The following TMEM232 variants were observed in gnomAD, a reference collection of about 807,000 sequenced individuals.
TMEM232 encodes the protein transmembrane protein 232.
Under a neutral mutation model 78.8 loss-of-function variants are expected in TMEM232, and 80 were observed. The ratio of observed to expected loss-of-function variants is 1.01; its 90% CI spans 0.85 to 1.22. TMEM232 has a LOEUF of 1.22. Ranked by LOEUF, TMEM232 falls within the 50% of genes most tolerant of loss-of-function variation. TMEM232 has a pLI of 0.00. For missense variants in TMEM232, 881 were observed against 742.2 expected, an observed-to-expected ratio of 1.19 and a Z score of -2.17; for synonymous variants, 297 against 254.3, an observed-to-expected ratio of 1.17 and a Z score of -1.60.
At position 110,686,003 on chromosome 5, in the gene TMEM232, T is replaced by C. The variant is rs143228106; in HGVS notation, c.-12-18639A>G. On this transcript the variant is annotated intron_variant, in intron 1 of 13. Coordinates refer to ENST00000455884, the MANE Select transcript of TMEM232 (RefSeq NM_001039763.4). Reference sequence around the variant, plus strand: ...AAGGATTGAATGGAAGGTGGCATGATGGAAATATTATATATTAGGGATGGT... The same window carrying C: ...AAGGATTGAATGGAAGGTGGCATGACGGAAATATTATATATTAGGGATGGT... Among the ~76,000 whole-genome samples the C allele has an allele frequency of 1.9e-3, 291 of 152,092 alleles. 2 individuals carry two copies. The highest frequency in any genetic ancestry group is 6.6e-3 in the African/African-American group (275 of 41,504).
chr5:110,679,010 T>C (rs937567352), intron 1 of TMEM232, among the ~76,000 whole-genome samples: 2 of 152,184 alleles, frequency 1.3e-5, no homozygotes, highest in Non-Finnish European at 2.9e-5. Flanking sequence ...GGACTTAAGT[T>C]TTCAACTCCT....
intron 3 of TMEM232, among the ~76,000 whole-genome samples, chr5:110,396,012 T>C (rs549719172): frequency 3.3e-5 from 5 of 152,260 alleles, no homozygotes; most frequent in South Asian, 4.1e-4. Context: ...ATTTTCATAG[T>C]GCTATAAAGA....
intron 1 of TMEM232, among the ~76,000 whole-genome samples, chr5:110,680,147 C>T (rs1263386639): frequency 2.0e-5 from 3 of 151,910 alleles, no homozygotes; most frequent in Non-Finnish European, 4.4e-5. Context: ...GTCTGTAATC[C>T]CAGCACTTTG....
intron 1 of TMEM232, among the ~76,000 whole-genome samples, chr5:110,694,900 G>C (rs1042478577): frequency 3.9e-5 from 6 of 152,154 alleles, no homozygotes; most frequent in African/African-American, 1.4e-4. Context: ...CAAAGAGACA[G>C]AAAGTTCACA....
chr5:110,488,115 T>A (rs1233295525), intron 12 of TMEM232, among the ~76,000 whole-genome samples: 1 of 152,122 alleles, frequency 6.6e-6, no homozygotes, highest in African/African-American at 2.4e-5. Flanking sequence ...TATCCATATC[T>A]TCTAGTTTTT....
chr5:110,652,294 G>GCGCA lies in TMEM232; in HGVS notation c.126-9924_126-9923insTGCG, dbSNP rs1554069154. Among the ~76,000 whole-genome samples the GCGCA allele has an allele frequency of 1.3e-4, 19 of 145,452 alleles. 1 individual carries two copies. The highest frequency in any genetic ancestry group is 6.2e-4 in the East Asian group (3 of 4,870). ...CAAGCACACAAAAGTGCACGCGCGC[G>GCGCA]CACACACACACACACACACACACAC... On this transcript the variant is annotated intron_variant, in intron 2 of 13. Coordinates refer to ENST00000455884, the MANE Select transcript of TMEM232 (RefSeq NM_001039763.4).
intron 1 of TMEM232, among the ~76,000 whole-genome samples, chr5:110,694,254 T>G (rs956446554): frequency 6.6e-6 from 1 of 152,116 alleles, no homozygotes; most frequent in Non-Finnish European, 1.5e-5. Context: ...AAGCAAATGC[T>G]GAGAGATTCT....
intron 2 of TMEM232, among the ~76,000 whole-genome samples, chr5:110,652,512 C>T (rs1207213265): frequency 2.0e-5 from 3 of 152,168 alleles, no homozygotes; most frequent in Admixed American, 6.5e-5. Context: ...TTAGTTTTGT[C>T]CAACATTTTT....
chr5:110,452,899 T>C (rs1199292688), intron 12 of TMEM232, among the ~76,000 whole-genome samples: 1 of 152,200 alleles, frequency 6.6e-6, no homozygotes, highest in African/African-American at 2.4e-5. Context: ...AATGTAAAAG[T>C]ACTGTGCATT....
At chr5:110,491,431 T>C (rs925285359) in intron 12 of TMEM232, among the ~76,000 whole-genome samples, 7 of 151,996 alleles carry the variant, frequency 4.6e-5, no homozygotes, top group African/African-American at 1.4e-4. Flanking sequence ...TTAAACTCTA[T>C]GTAAAATGTC....
chr5:110,414,664 G>A (rs1319587244), downstream of TMEM232, among the ~76,000 whole-genome samples: 2 of 152,156 alleles, frequency 1.3e-5, no homozygotes, highest in Non-Finnish European at 2.9e-5. Flanking sequence ...AAAATCAAGA[G>A]AGCTTTTAAA....
At chr5:110,722,007 G>T (rs1270950709) in intron 1 of TMEM232, among the ~76,000 whole-genome samples, 1 of 151,846 alleles carries the variant, frequency 6.6e-6, no homozygotes, top group African/African-American at 2.4e-5. Context: ...AACCATTAGA[G>T]TGCTGAATTC....
At chr5:110,536,094 C>T (rs1478727447) in intron 11 of TMEM232, among the ~76,000 whole-genome samples, 1 of 152,164 alleles carries the variant, frequency 6.6e-6, no homozygotes, top group East Asian at 1.9e-4. Flanking sequence ...CTGCTCCATA[C>T]AGGGGAGTCT....
intron 2 of TMEM232, among the ~76,000 whole-genome samples, chr5:110,645,533 T>C (rs1318964974): frequency 6.6e-6 from 1 of 151,032 alleles, no homozygotes; most frequent in Admixed American, 6.6e-5. Flanking sequence ...ATTAAAATTC[T>C]CAAGAAAATA....
intron 12 of TMEM232, among the ~76,000 whole-genome samples, chr5:110,495,413 G>A (rs1364064839): frequency 6.6e-6 from 1 of 151,830 alleles, no homozygotes; most frequent in African/African-American, 2.4e-5. Context: ...TAGTTCTAAT[G>A]TGCAATAAAG....
intron 1 of TMEM232, among the ~76,000 whole-genome samples, chr5:110,721,605 G>T (rs1302511203): frequency 7.3e-6 from 1 of 136,210 alleles, no homozygotes; most frequent in Non-Finnish European, 1.6e-5. Context: ...ATGCTCCACA[G>T]AAATGACTCA....
At chr5:110,513,007 G>A (rs536984297) in intron 12 of TMEM232, among the ~76,000 whole-genome samples, 1 of 152,184 alleles carries the variant, frequency 6.6e-6, no homozygotes, top group East Asian at 1.9e-4. Flanking sequence ...TAAGCATAAA[G>A]CTATGGCAGT....
At chr5:110,647,818 A>G (rs922786297) in intron 2 of TMEM232, among the ~76,000 whole-genome samples, 3 of 151,998 alleles carry the variant, frequency 2.0e-5, no homozygotes, top group Admixed American at 1.3e-4. Context: ...AGCCTTATAC[A>G]CTGATCTAAC....
intron 12 of TMEM232, among the ~76,000 whole-genome samples, chr5:110,453,287 T>A (rs542918700): frequency 5.3e-5 from 8 of 152,246 alleles, no homozygotes; most frequent in African/African-American, 1.7e-4. Context: ...TTCTACCGCA[T>A]ACTTTTTTAA....
Sources: allele counts gnomAD v4.1 joint callset (sites outside exome capture counted in the v4.1 genomes callset), GRCh38; gene constraint gnomAD v4.1.1; transcripts MANE v1.5; gene names NCBI Gene and HGNC (gene_info 2026-07-23, HGNC 2026-07-21).